Variants in ZNF521 observed in about 807,000 individuals in gnomAD.
ZNF521 encodes the protein zinc finger protein 521, also known as LYST-interacting protein 3.
A neutral mutation model predicts 105.5 loss-of-function variants in ZNF521; 14 were observed. That is an observed-to-expected ratio of 0.13 (90% CI 0.09 to 0.21). The LOEUF is 0.21. Among genes scored for constraint, ZNF521 ranks in the 10% least tolerant of loss-of-function variants. The pLI, the probability that ZNF521 is intolerant of heterozygous loss-of-function variation, is 1.00. For synonymous variants in ZNF521, 635 were observed against 606.0 expected, an observed-to-expected ratio of 1.05 and a Z score of -0.70; for missense variants, 1,233 against 1,629.7, an observed-to-expected ratio of 0.76 and a Z score of 4.19.
At chr18:25,327,016 G>GA (rs1269814294) in intron 2 of ZNF521, among the ~76,000 whole-genome samples, 4 of 151,874 alleles carry the variant, frequency 2.6e-5, no homozygotes, top group African/African-American at 7.3e-5. Flanking sequence ...CATACTGTCT[G>GA]AAAAAAACAA....
intron 5 of ZNF521, among the ~76,000 whole-genome samples, chr18:25,107,530 TTTTC>T (rs1302388240): frequency 2.6e-5 from 4 of 152,212 alleles, no homozygotes; most frequent in Non-Finnish European, 4.4e-5. Flanking sequence ...CTTGTAAATA[TTTTC>T]TTTGAGTTTT....
At chr18:25,318,436 T>A (rs992441515) in intron 3 of ZNF521, among the ~76,000 whole-genome samples, 1 of 152,226 alleles carries the variant, frequency 6.6e-6, no homozygotes, top group Admixed American at 6.5e-5. Flanking sequence ...TATATACTTA[T>A]AATTTATGAA....
At chr18:25,151,971 T>C (rs1446209137) in intron 5 of ZNF521, among the ~76,000 whole-genome samples, 1 of 152,132 alleles carries the variant, frequency 6.6e-6, no homozygotes, top group Non-Finnish European at 1.5e-5. Flanking sequence ...CTTGAAATGG[T>C]TATTTTTTTA....
intron 5 of ZNF521, among the ~76,000 whole-genome samples, chr18:25,191,807 CTT>C (rs2035822634): frequency 6.6e-6 from 1 of 152,126 alleles, no homozygotes; most frequent in Admixed American, 6.5e-5. Context: ...TTTAAATTCT[CTT>C]GTTTCATCTC....
intron 5 of ZNF521, among the ~76,000 whole-genome samples, chr18:25,167,671 C>T (rs2035369647): frequency 6.6e-6 from 1 of 152,180 alleles, no homozygotes; most frequent in Non-Finnish European, 1.5e-5. Flanking sequence ...AGTATTCTAG[C>T]TACCATTAAG....
intron 5 of ZNF521, among the ~76,000 whole-genome samples, chr18:25,109,260 T>A (rs1232651502): frequency 2.0e-5 from 3 of 152,218 alleles, no homozygotes; most frequent in African/African-American, 7.2e-5. Flanking sequence ...TCCAGCTCTA[T>A]CCATGTTGCT....
chr18:25,159,085 C>T (rs1001969525), intron 5 of ZNF521, among the ~76,000 whole-genome samples: 3 of 152,020 alleles, frequency 2.0e-5, no homozygotes, highest in African/African-American at 7.3e-5. Context: ...CAAGTCTGCC[C>T]ATCAGAGTGA....
intron 7 of ZNF521, among the ~76,000 whole-genome samples, chr18:25,082,068 A>C (rs747953066): frequency 6.6e-6 from 1 of 152,218 alleles, no homozygotes; most frequent in African/African-American, 2.4e-5. Flanking sequence ...CGATCAAATA[A>C]AAGAGATAGA....
intron 2 of ZNF521, among the ~76,000 whole-genome samples, chr18:25,344,907 GAATT>G (rs1166351290): frequency 6.6e-6 from 1 of 152,140 alleles, no homozygotes; most frequent in African/African-American, 2.4e-5. Flanking sequence ...CCTGACAGAT[GAATT>G]AATAAAACAC....
At chr18:25,271,252 C>T (rs1034409508) in intron 3 of ZNF521, among the ~76,000 whole-genome samples, 1 of 152,136 alleles carries the variant, frequency 6.6e-6, no homozygotes, top group African/African-American at 2.4e-5. Flanking sequence ...TAAACCACTG[C>T]TCAAGGAAAT....
chr18:25,351,223 G>GAA (rs1231562502), intron 1 of ZNF521: 4 of 43,850 alleles, frequency 9.1e-5, no homozygotes, highest in South Asian at 1.1e-3. Context: ...CAATCTCCAA[G>GAA]AAAAAAAAAA....
intron 4 of ZNF521, among the ~76,000 whole-genome samples, chr18:25,206,652 G>A (rs1390443620): frequency 6.6e-6 from 1 of 151,526 alleles, no homozygotes; most frequent in Non-Finnish European, 1.5e-5. Context: ...TTTAATGCAT[G>A]TCCCCCTTTC....
intron 5 of ZNF521, among the ~76,000 whole-genome samples, chr18:25,141,295 A>G (rs1479047458): frequency 6.6e-6 from 1 of 152,208 alleles, no homozygotes; most frequent in East Asian, 1.9e-4. Context: ...TAAGAAAAAA[A>G]GCTGGCTGTT....
intron 5 of ZNF521, among the ~76,000 whole-genome samples, chr18:25,172,562 G>T (rs1314678568): frequency 6.6e-6 from 1 of 152,088 alleles, no homozygotes; most frequent in Non-Finnish European, 1.5e-5. Context: ...AAACAGACTT[G>T]ATTTATCAGT....
chr18:25,284,653 T>C (rs779348953), intron 3 of ZNF521, among the ~76,000 whole-genome samples: 1 of 151,444 alleles, frequency 6.6e-6, no homozygotes, highest in Non-Finnish European at 1.5e-5. Flanking sequence ...CCACAAGTTA[T>C]GAAAAGGGGA....
intron 1 of ZNF521, 69 bp downstream of exon 1, chr18:25,351,936 G>GAGGAGGAGGAGAGCCGGGAGC: frequency 3.3e-6 from 1 of 303,454 alleles, no homozygotes; most frequent in Non-Finnish European, 6.8e-6. Context: ...GCAGGAGGAG[G>GAGGAGGAGGAGAGCCGGGAGC]AGGAGGAGGA....
chr18:25,134,353 TAACCA>T (rs1432034544), intron 5 of ZNF521, among the ~76,000 whole-genome samples: 2 of 152,272 alleles, frequency 1.3e-5, no homozygotes, highest in East Asian at 3.9e-4. Context: ...TTGCAGAATA[TAACCA>T]CCATAGCTAC....
At chr18:25,138,745 T>G (rs2034784694) in intron 5 of ZNF521, among the ~76,000 whole-genome samples, 1 of 152,294 alleles carries the variant, frequency 6.6e-6, no homozygotes, top group African/African-American at 2.4e-5. Context: ...CGATTTAACA[T>G]AAAAGGAAAC....
chr18:25,231,657 A>C (rs1276418731), intron 3 of ZNF521: 1 of 152,240 alleles, frequency 6.6e-6, no homozygotes. Context: ...GCTGGTGTTC[A>C]AGACTAATCA....
Sources: gnomAD v4.1 joint callset for allele counts (sites outside exome capture counted in the v4.1 genomes callset) on GRCh38, gnomAD v4.1.1 for gene constraint, MANE v1.5 for transcripts, NCBI Gene and HGNC (gene_info 2026-07-23, HGNC 2026-07-21) for gene names.